SHISAL2B: variants seen among roughly 807,000 people sequenced by gnomAD.
The protein encoded by SHISAL2B is protein shisa-like-2B.
Under a neutral mutation model 16.5 loss-of-function variants are expected in SHISAL2B, and 12 were observed. The observed-to-expected ratio is 0.73, with a 90% CI of 0.47 to 1.18. The LOEUF (loss-of-function observed/expected upper bound fraction) is 1.18. Ranked by LOEUF, SHISAL2B falls within the 50% of genes most tolerant of loss-of-function variation. The pLI is 0.00. For synonymous variants in SHISAL2B, 72 were observed against 75.0 expected (o/e 0.96, Z 0.21); for missense variants, 183 against 193.6 (o/e 0.95, Z 0.33).
intron 2 of SHISAL2B, among the ~76,000 whole-genome samples, chr5:64,705,471 T>C (rs954186393): frequency 6.6e-6 from 1 of 152,208 alleles, no homozygotes; most frequent in Non-Finnish European, 1.5e-5. Flanking sequence ...ACTTTAACAC[T>C]ACACTTTTTA....
At chr5:64,711,296 C>A (rs1741954072) in intron 2 of SHISAL2B, among the ~76,000 whole-genome samples, 1 of 147,518 alleles carries the variant, frequency 6.8e-6, no homozygotes, top group Non-Finnish European at 1.5e-5. Context: ...TTGAGATAAT[C>A]ATGTGGTTTT....
In SHISAL2B at chr5:64,696,437, C is replaced by A. The variant is rs1741736352; in HGVS notation, c.349+773C>A. On this transcript the variant is annotated intron_variant, in intron 2 of 2. Transcript: ENST00000389074. The stretch of plus-strand genomic sequence containing the variant: ...AAGGGAAGACAAACATAAGGTCTGA[C>A]TGCCTGCGGGGTTGGGCAGAATAGA... Among the ~76,000 whole-genome samples the A allele has an allele frequency of 2.0e-5, 3 of 152,170 alleles. No individual in the cohort carries two copies. The South Asian group carries it at 6.2e-4, about 32-fold the overall frequency.
intron 2 of SHISAL2B, among the ~76,000 whole-genome samples, chr5:64,715,732 TAC>T (rs1342647800): frequency 6.6e-6 from 1 of 152,256 alleles, no homozygotes; most frequent in Non-Finnish European, 1.5e-5. Flanking sequence ...CTGATAGTTT[TAC>T]ATTCTTCTCA....
Position 64,690,634 on chromosome 5 carries a change from C to A in SHISAL2B, c.11C>A (p.Ala4Asp), listed in dbSNP as rs574604775. 7.1e-5 allele frequency: 107 copies of A among 1,498,972 alleles called. No individual in the cohort carries two copies. In the African/African-American group the frequency reaches 1.4e-3, roughly 19 times the overall value. 92.9% of individuals were successfully genotyped at this position (1,498,972 alleles called of 1,614,324 possible). A position where few individuals can be genotyped will look rare whatever the true frequency, so the allele number is the denominator to read the frequency against. MSE[A>D]SRLCSGYYSL... The stretch of plus-strand genomic sequence containing the variant: ...CGGCCCCTGCCCGCGATGAGCGAGG[C>A]CAGCCGACTGTGCTCCGGCTACTAC... Residue 4 changes from alanine to aspartate, a missense_variant, in exon 1 of 3, where the codon GCC becomes GAC. Physicochemically the swap from Ala to Asp is moderately radical, Grantham distance 126. Transcript: ENST00000389074.
intron 2 of SHISAL2B, among the ~76,000 whole-genome samples, chr5:64,712,965 C>G (rs1416108492): frequency 6.6e-6 from 1 of 152,124 alleles, no homozygotes; most frequent in Non-Finnish European, 1.5e-5. Context: ...CTGAATACAG[C>G]ACACTGATGG....
intron 2 of SHISAL2B, among the ~76,000 whole-genome samples, chr5:64,709,716 T>G (rs1422515062): frequency 1.3e-5 from 2 of 150,092 alleles, no homozygotes. Context: ...CCTGACTTTT[T>G]AATGATTGCC....
intron 1 of SHISAL2B, 104 bp downstream of exon 1, chr5:64,690,918 A>G (rs1275200263): frequency 9.6e-7 from 1 of 1,046,668 alleles, no homozygotes; most frequent in African/African-American, 1.6e-5. Flanking sequence ...CGTCCCCGCT[A>G]TCCGCCCTAG....
chr5:64,706,005 A>T (rs998309807), intron 2 of SHISAL2B, among the ~76,000 whole-genome samples: 33 of 152,150 alleles, frequency 2.2e-4, no homozygotes, highest in African/African-American at 6.7e-4. Context: ...CCAAAAAATT[A>T]AAAAAATTAG....
At chr5:64,700,078 C>T (rs1193816767) in intron 2 of SHISAL2B, among the ~76,000 whole-genome samples, 1 of 152,048 alleles carries the variant, frequency 6.6e-6, no homozygotes, top group African/African-American at 2.4e-5. Flanking sequence ...AAAAGAATAC[C>T]ATTGCTTGTA....
intron 2 of SHISAL2B, among the ~76,000 whole-genome samples, chr5:64,717,465 C>G (rs944757213): frequency 1.3e-5 from 2 of 152,158 alleles, no homozygotes; most frequent in Non-Finnish European, 2.9e-5. Context: ...TGTGGCACTA[C>G]TGTGTCCTTT....
At chr5:64,709,241 T>C (rs1394665576) in intron 2 of SHISAL2B, among the ~76,000 whole-genome samples, 1 of 140,696 alleles carries the variant, frequency 7.1e-6, no homozygotes, top group Non-Finnish European at 1.5e-5. Context: ...CCTGTGTCCA[T>C]GTGATCTCAT....
chr5:64,709,781 A>T (rs1203367367), intron 2 of SHISAL2B, among the ~76,000 whole-genome samples: 2 of 151,888 alleles, frequency 1.3e-5, no homozygotes, highest in Non-Finnish European at 2.9e-5. Flanking sequence ...CATTTCTCTG[A>T]TGGCCAGTGA....
intron 2 of SHISAL2B, among the ~76,000 whole-genome samples, chr5:64,697,868 A>G (rs954198854): frequency 1.4e-4 from 21 of 152,226 alleles, no homozygotes; most frequent in Admixed American, 2.0e-4. Flanking sequence ...CTTATCAAAT[A>G]CATCACCACT....
chr5:64,706,779 G>A (rs1241868353), intron 2 of SHISAL2B, among the ~76,000 whole-genome samples: 1 of 152,132 alleles, frequency 6.6e-6, no homozygotes, highest in East Asian at 1.9e-4. Flanking sequence ...ATGTAAATAG[G>A]TTGCTGTTAT....
chr5:64,692,144 G>C (rs1303508018), intron 1 of SHISAL2B, among the ~76,000 whole-genome samples: 2 of 152,128 alleles, frequency 1.3e-5, no homozygotes, highest in East Asian at 1.9e-4. Flanking sequence ...TATTGCACTG[G>C]TTTATTATCT....
At chr5:64,701,355 A>G (rs1192901145) in intron 2 of SHISAL2B, among the ~76,000 whole-genome samples, 1 of 152,162 alleles carries the variant, frequency 6.6e-6, no homozygotes, top group Admixed American at 6.5e-5. Context: ...AATTATCTGA[A>G]GTTCCAATTT....
At chr5:64,711,200 G>C (rs1741952600) in intron 2 of SHISAL2B, among the ~76,000 whole-genome samples, 1 of 128,622 alleles carries the variant, frequency 7.8e-6, no homozygotes, top group Admixed American at 7.6e-5. Context: ...TTATTATTTT[G>C]AAATACGTCC....
intron 2 of SHISAL2B, among the ~76,000 whole-genome samples, chr5:64,702,099 A>C (rs1741816520): frequency 6.6e-6 from 1 of 152,232 alleles, no homozygotes; most frequent in Non-Finnish European, 1.5e-5. Flanking sequence ...AAGATAAAAG[A>C]TTCAAGTATA....
intron 2 of SHISAL2B, among the ~76,000 whole-genome samples, chr5:64,709,357 G>A (rs551823678): frequency 2.6e-5 from 4 of 151,526 alleles, no homozygotes; most frequent in African/African-American, 7.3e-5. Context: ...TCCCTACAAA[G>A]GACATGAACT....
Sources: gnomAD v4.1 joint callset for allele counts (sites outside exome capture counted in the v4.1 genomes callset) on GRCh38, gnomAD v4.1.1 for gene constraint, MANE v1.5 for transcripts, NCBI Gene and HGNC (gene_info 2026-07-23, HGNC 2026-07-21) for gene names.